ADGRB2: variants seen among roughly 807,000 people sequenced by gnomAD.
The protein encoded by ADGRB2 is adhesion G protein-coupled receptor B2.
Under a neutral mutation model 178.7 loss-of-function variants are expected in ADGRB2, and 47 were observed. That is an observed-to-expected ratio of 0.26 (90% CI 0.21 to 0.34). The LOEUF (loss-of-function observed/expected upper bound fraction) is 0.34. Ranked by LOEUF, ADGRB2 falls within the 10% of genes least tolerant of loss-of-function variation. ADGRB2 has a pLI of 1.00. For synonymous variants in ADGRB2, 870 were observed against 912.4 expected (o/e 0.95, Z 0.84); for missense variants, 1,584 against 2,180.8 (o/e 0.73, Z 5.45).
chr1:31,732,035 G>A, intron 28 of ADGRB2, 80 bp downstream of exon 28: 1 of 1,576,800 alleles, frequency 6.3e-7, no homozygotes, highest in Non-Finnish European at 8.7e-7. Context: ...ACTCCATCAG[G>A]GCCTCCCATG....
chr1:31,740,551 ATGAGGGG>A lies in ADGRB2; in HGVS notation c.1795-17_1795-11del. On this transcript the variant is annotated splice_polypyrimidine_tract_variant and intron_variant, in intron 11 of 32. Transcript: ENST00000373658. The surrounding 1 kb of genome is among the most constrained non-coding windows in gnomAD (Gnocchi z 5.9). ...CCAGGTGCTCCCTAAGCTGTAGGTG[ATGAGGGG>A]GCCACAGTCACTGAAGTGTCAGGAG... is the stretch of plus-strand genomic sequence containing the variant. 6.3e-7 allele frequency: 1 copy of A among 1,587,082 alleles called. No individual in the cohort carries two copies. Among genetic ancestry groups the A allele is most frequent in the Non-Finnish European group, 8.6e-7 (1 of 1,165,594 alleles).
At chr1:31,748,417 G>A (rs1355039610) in intron 4 of ADGRB2, among the ~76,000 whole-genome samples, 1 of 152,230 alleles carries the variant, frequency 6.6e-6, no homozygotes, top group Non-Finnish European at 1.5e-5. Context: ...TCCCACACAG[G>A]GGAAGGCTGG....
At chr1:31,749,548 T>C (rs1430383146) in intron 4 of ADGRB2, among the ~76,000 whole-genome samples, 1 of 152,194 alleles carries the variant, frequency 6.6e-6, no homozygotes, top group Non-Finnish European at 1.5e-5. Flanking sequence ...CTTTCTACCA[T>C]ATAGGTTCAT....
chr1:31,759,343 C>T lies in ADGRB2; in HGVS notation c.-190-1832G>A. On this transcript the variant is annotated intron_variant, in intron 1 of 32. Coordinates refer to ENST00000373658, the MANE Select transcript of ADGRB2 (RefSeq NM_001364857.2). The surrounding 1 kb of genome is among the most constrained non-coding windows in gnomAD (Gnocchi z 4.3). ...CACATGAGTATCTGGCCCTCTGAGG[C>T]TCAGCATATGACAGCTAAGTGTCAG... 1 of 779,734 alleles carries T rather than the reference C, an allele frequency of 1.3e-6. No homozygotes were observed. Among genetic ancestry groups the T allele is most frequent in the Non-Finnish European group, 2.4e-6 (1 of 417,956 alleles). The allele number at this position is 779,734 out of a possible 1,614,324, so 48.3% of individuals were successfully genotyped here.
Position 31,738,288 on chromosome 1 carries a change from T to C in ADGRB2, c.2684A>G (p.Gln895Arg). The C allele has an allele frequency of 6.2e-7, 1 of 1,614,074 alleles. No homozygotes were observed. Among genetic ancestry groups the C allele is most frequent in the East Asian group, 2.2e-5 (1 of 44,874 alleles). Residue 895 changes from glutamine to arginine, a missense_variant, in exon 18 of 33, where the codon CAG becomes CGG. Physicochemically the swap from Gln to Arg is conservative, Grantham distance 43. Around this residue, in one of 3 missense-constraint regions of ADGRB2, gnomAD observed 865 missense variants for 1,192.8 expected, o/e 0.73. Transcript: ENST00000373658. ...SSGDWDTENC[Q>R]TLETQAAHTR... ...GTGAGCTGCCTGGGTCTCCAGGGTC[T>C]GGCAATTTTCAGTGTCCCAGTCTCC...
Position 31,731,445 on chromosome 1 carries a change from G to A in ADGRB2, c.3761-26C>T. On this transcript the variant is annotated intron_variant, in intron 28 of 32. Transcript: ENST00000373658. ...CTGGGGGCAGGAGTGGGAGGGAGGG[G>A]GTGAGTCCTGAGGAGAAGGAACCTC... 1.9e-6 allele frequency: 3 copies of A among 1,557,150 alleles called. No homozygotes were observed. In the East Asian group the frequency reaches 6.8e-5, roughly 35 times the overall value.
intron 20 of ADGRB2, 94 bp downstream of exon 20, chr1:31,737,335 T>G: frequency 3.4e-6 from 4 of 1,181,604 alleles, no homozygotes; most frequent in Non-Finnish European, 5.0e-6. Context: ...ACACCACCAC[T>G]AATGGACGTA....
Position 31,738,226 on chromosome 1 carries a change from C to T in ADGRB2, c.2746G>A (p.Val916Ile). The part of the protein sequence containing the change: ...CQCQHLSTFA[V>I]LAQPPKDLTL... ...AGGTCCTTGGGCGGCTGGGCTAGTA[C>T]AGCAAAGGTGGACAGGTGCTGGCAC... Residue 916 changes from valine (V) to isoleucine (I), a missense_variant, in exon 18 of 33, where the codon GTA becomes ATA. Around this residue, in one of 3 missense-constraint regions of ADGRB2, gnomAD observed 865 missense variants for 1,192.8 expected, o/e 0.73. Coordinates refer to ENST00000373658, the MANE Select transcript of ADGRB2 (RefSeq NM_001364857.2). 2.5e-6 allele frequency: 4 copies of T among 1,614,158 alleles called. No individual in the cohort carries two copies. Among genetic ancestry groups the T allele is most frequent in the Non-Finnish European group, 3.4e-6 (4 of 1,180,016 alleles).
Position 31,755,956 on chromosome 1 carries a change from G to A in ADGRB2, c.838+43C>T. Reference sequence around the variant, plus strand: ...AGGATGGACACCAGGGACACTGTCAGCCCCTGCAGACCCCGCCCCACCCAG... The same window carrying A: ...AGGATGGACACCAGGGACACTGTCAACCCCTGCAGACCCCGCCCCACCCAG... On this transcript the variant is annotated intron_variant, in intron 4 of 32. Transcript: ENST00000373658. This position sits in a 1 kb window ranked among gnomAD's most constrained non-coding sequence, Gnocchi z 5.1. The A allele has an allele frequency of 6.4e-7, 1 of 1,563,312 alleles. No individual in the cohort carries two copies. Among genetic ancestry groups the A allele is most frequent in the Non-Finnish European group, 8.7e-7 (1 of 1,151,168 alleles).
intron 20 of ADGRB2, among the ~76,000 whole-genome samples, chr1:31,736,964 G>A (rs951783206): frequency 2.0e-5 from 3 of 152,198 alleles, no homozygotes; most frequent in Non-Finnish European, 2.9e-5. Flanking sequence ...ACGCACAGAC[G>A]GGGCTGGCAG....
At position 31,758,015 on chromosome 1, in the gene ADGRB2, C is replaced by T. The variant is rs111292994; in HGVS notation, c.-190-504G>A. On this transcript the variant is annotated intron_variant, in intron 1 of 32. Coordinates refer to ENST00000373658, the MANE Select transcript of ADGRB2 (RefSeq NM_001364857.2). This position sits in a 1 kb window ranked among gnomAD's most constrained non-coding sequence, Gnocchi z 4.2. ...GGGGGGAGCTGCAGGTGCCCTCCCA[C>T]CCACCAGGCCAGGGCTGTGTCACTG... Among the ~76,000 whole-genome samples the T allele has an allele frequency of 4.5e-3, 682 of 152,264 alleles. 8 individuals are homozygous for T. The highest frequency in any genetic ancestry group is 0.035 in the East Asian group (180 of 5,176).
At chr1:31,762,096 C>T (rs1417917250) in intron 1 of ADGRB2, among the ~76,000 whole-genome samples, 1 of 152,018 alleles carries the variant, frequency 6.6e-6, no homozygotes, top group Non-Finnish European at 1.5e-5. Flanking sequence ...GGGCAGATAC[C>T]AGATGGAACC....
intron 1 of ADGRB2, among the ~76,000 whole-genome samples, chr1:31,763,489 G>T (rs1216899387): frequency 7.3e-6 from 1 of 136,502 alleles, no homozygotes; most frequent in East Asian, 2.5e-4. Context: ...CAGTTGAGCT[G>T]CAGGTTAATG....
At position 31,753,869 on chromosome 1, in the gene ADGRB2, T is replaced by C. The variant is rs1200341617; in HGVS notation, c.838+2130A>G. Among the ~76,000 whole-genome samples, 1 of 152,210 alleles carries C rather than the reference T, an allele frequency of 6.6e-6. No homozygotes were observed. The highest frequency in any genetic ancestry group is 1.9e-4 in the East Asian group (1 of 5,194). ...TGCCTGCCAAGGGAGGGGAAGGGGC[T>C]GTGCCAGCCCAGCTCTGGGCACCAG... is the stretch of plus-strand genomic sequence containing the variant. On this transcript the variant is annotated intron_variant, in intron 4 of 32. Coordinates refer to ENST00000373658, the MANE Select transcript of ADGRB2 (RefSeq NM_001364857.2). This position sits in a 1 kb window ranked among gnomAD's most constrained non-coding sequence, Gnocchi z 4.1.
rs767667894 is a variant in ADGRB2, at chr1:31,738,837, T to C, written c.2596A>G (p.Ile866Val). The change falls in exon 16 of 33, where the codon ATC (isoleucine) becomes GTC (valine). Residue 866 changes from isoleucine (I) to valine (V), a missense_variant. Physicochemically the swap from Ile to Val is conservative, Grantham distance 29 (BLOSUM62 3). Around this residue, in one of 3 missense-constraint regions of ADGRB2, gnomAD observed 865 missense variants for 1,192.8 expected, o/e 0.73. Transcript: ENST00000373658. Reference protein sequence around the residue: ...PLITVELSYIINGTTDPHCAS... With the variant: ...PLITVELSYIVNGTTDPHCAS... ...CTGCATGGATCTCCACTCACATTGA[T>C]GATGTAGGAGAGCTCCACAGTGATG... 7 of 1,613,946 alleles carry C rather than the reference T, an allele frequency of 4.3e-6. 1 individual carries two copies. The South Asian group carries it at 7.7e-5, about 18-fold the overall frequency.
intron 25 of ADGRB2, among the ~76,000 whole-genome samples, chr1:31,734,838 C>T (rs945941578): frequency 2.6e-5 from 4 of 152,084 alleles, no homozygotes; most frequent in South Asian, 2.1e-4. Context: ...CATTCTAATT[C>T]TAAGGTTCTA....
intron 15 of ADGRB2, 61 bp from the exon 16 acceptor site, chr1:31,738,998 T>C (rs1645787754): frequency 1.4e-6 from 2 of 1,449,022 alleles, no homozygotes; most frequent in Non-Finnish European, 1.9e-6. Flanking sequence ...TCAGAAACCC[T>C]GAAGCCGCTT....
chr1:31,752,129 T>C (rs903267791), intron 4 of ADGRB2, among the ~76,000 whole-genome samples: 4 of 152,138 alleles, frequency 2.6e-5, no homozygotes, highest in Non-Finnish European at 5.9e-5. Context: ...TCCTAGTTAG[T>C]GCTCTCCCTC....
chr1:31,754,901 C>T lies in ADGRB2; in HGVS notation c.838+1098G>A, dbSNP rs1313861976. Among the ~76,000 whole-genome samples, 1 of 152,250 alleles carries T rather than the reference C, an allele frequency of 6.6e-6. No individual in the cohort carries two copies. Among genetic ancestry groups the T allele is most frequent in the East Asian group, 1.9e-4 (1 of 5,208 alleles). ...AGCAGGGCTGGGGACAGGCCGCTCT[C>T]CTCCAGCACTCCTAGCAGCCCTCAC... On this transcript the variant is annotated intron_variant, in intron 4 of 32. Coordinates refer to ENST00000373658, the MANE Select transcript of ADGRB2 (RefSeq NM_001364857.2). The surrounding 1 kb of genome is among the most constrained non-coding windows in gnomAD (Gnocchi z 5.7).
Sources: allele counts gnomAD v4.1 joint callset (sites outside exome capture counted in the v4.1 genomes callset), GRCh38; gene constraint gnomAD v4.1.1; regional missense constraint gnomAD v4.1.1; non-coding constraint Gnocchi (gnomAD v3.1); transcripts MANE v1.5; gene names NCBI Gene and HGNC (gene_info 2026-07-23, HGNC 2026-07-21).